The following AXDND1 variants were observed in gnomAD, a reference collection of about 807,000 sequenced individuals.
The protein encoded by AXDND1 is axonemal dynein light chain domain-containing protein 1.
Under a neutral mutation model 137.5 loss-of-function variants are expected in AXDND1, and 110 were observed. The ratio of observed to expected loss-of-function variants is 0.80; its 90% confidence interval spans 0.69 to 0.94. AXDND1 has a LOEUF of 0.94. Among genes scored for constraint, AXDND1 ranks in the 40% least tolerant of loss-of-function variants. AXDND1 has a pLI of 0.00. For missense variants in AXDND1, 1,191 were observed against 1,169.8 expected (o/e 1.02, Z -0.26); for synonymous variants, 414 against 399.7 (o/e 1.04, Z -0.43).
At chr1:179,368,368 A>G (rs557063263) in intron 2 of AXDND1, among the ~76,000 whole-genome samples, 1 of 152,362 alleles carries the variant, frequency 6.6e-6, no homozygotes, top group South Asian at 2.1e-4. Context: ...TAATGCAATT[A>G]TTCTCACCTT....
intron 18 of AXDND1, among the ~76,000 whole-genome samples, chr1:179,483,665 G>T (rs529104161): frequency 3.9e-5 from 6 of 152,260 alleles, no homozygotes; most frequent in African/African-American, 1.2e-4. Flanking sequence ...TACCATTAGG[G>T]ATTTATCTCC....
intron 12 of AXDND1, among the ~76,000 whole-genome samples, chr1:179,416,981 C>T (rs1042520049): frequency 3.3e-5 from 5 of 152,180 alleles, no homozygotes; most frequent in African/African-American, 7.2e-5. Context: ...CTCCTTTCTC[C>T]ACATCTTTGC....
At chr1:179,463,377 C>T (rs2125453663) in intron 16 of AXDND1, among the ~76,000 whole-genome samples, 1 of 152,254 alleles carries the variant, frequency 6.6e-6, no homozygotes, top group Non-Finnish European at 1.5e-5. Flanking sequence ...TCATTATGTA[C>T]CCAGTAGTCA....
At chr1:179,385,205 T>C (rs535982484) in intron 8 of AXDND1, 33 bp from the exon 9 acceptor site, 1 of 1,587,546 alleles carries the variant, frequency 6.3e-7, no homozygotes, top group African/African-American at 1.3e-5. Flanking sequence ...AAGACTGTAA[T>C]AAGTACTGAT....
chr1:179,513,382 G>A (rs1320947907), intron 21 of AXDND1, among the ~76,000 whole-genome samples: 1 of 152,158 alleles, frequency 6.6e-6, no homozygotes, highest in Admixed American at 6.5e-5. Context: ...ACTTGTGTAT[G>A]TTAAACCATC....
At position 179,525,426 on chromosome 1, in the gene AXDND1, A is replaced by G. The variant is rs1330850307; in HGVS notation, c.2589A>G (p.Glu863=). 1 of 1,610,518 alleles carries G rather than the reference A, an allele frequency of 6.2e-7. No individual in the cohort carries two copies. The highest frequency in any genetic ancestry group is 8.5e-7 in the Non-Finnish European group (1 of 1,178,020). ...ESKEDRKLQE[E]NKERAEEQPS... ...AGGAGGATAGGAAACTTCAGGAGGA[A>G]AATAAAGAGAGAGCAGAAGAAGTAA... Residue 863 remains glutamate, a synonymous_variant, in exon 22 of 26, where the codon GAA becomes GAG. Transcript: ENST00000367618.
chr1:179,522,156 T>G (rs1670120615), intron 21 of AXDND1, among the ~76,000 whole-genome samples: 1 of 152,122 alleles, frequency 6.6e-6, no homozygotes, highest in Non-Finnish European at 1.5e-5. Flanking sequence ...CCCCCATGTC[T>G]CTTAACCTTC....
chr1:179,369,083 T>G, intron 3 of AXDND1, 111 bp downstream of exon 3: 1 of 1,115,784 alleles, frequency 9.0e-7, no homozygotes, highest in South Asian at 1.7e-5. Context: ...CTTAAAAATT[T>G]TAAGATTGAT....
At chr1:179,522,473 A>G (rs1034773453) in intron 21 of AXDND1, among the ~76,000 whole-genome samples, 11 of 152,154 alleles carry the variant, frequency 7.2e-5, no homozygotes, top group African/African-American at 2.7e-4. Context: ...ACAGCATAGT[A>G]TAATAGCAAA....
intron 6 of AXDND1, among the ~76,000 whole-genome samples, chr1:179,382,104 CAG>C (rs1269958078): frequency 2.7e-5 from 4 of 150,396 alleles, no homozygotes; most frequent in Non-Finnish European, 4.4e-5. Flanking sequence ...TTTTTTGAGA[CAG>C]AGTCTCGCTC....
chr1:179,521,958 A>C (rs936444591), intron 21 of AXDND1, among the ~76,000 whole-genome samples: 1 of 151,932 alleles, frequency 6.6e-6, no homozygotes, highest in African/African-American at 2.4e-5. Context: ...CTTTGCTCTG[A>C]TTAATGTGGA....
chr1:179,500,013 G>A (rs528098592), intron 20 of AXDND1, among the ~76,000 whole-genome samples: 2 of 152,092 alleles, frequency 1.3e-5, no homozygotes, highest in South Asian at 2.1e-4. Flanking sequence ...AAATAATTCT[G>A]TTCTTATACA....
chr1:179,496,097 T>C (rs1308665900), intron 20 of AXDND1, among the ~76,000 whole-genome samples: 1 of 152,016 alleles, frequency 6.6e-6, no homozygotes, highest in Non-Finnish European at 1.5e-5. Flanking sequence ...GTCCCTCTTA[T>C]ATGTTGCAAA....
chr1:179,400,803 G>A (rs373488480), intron 11 of AXDND1, among the ~76,000 whole-genome samples: 40 of 150,352 alleles, frequency 2.7e-4, no homozygotes, highest in Middle Eastern at 3.4e-3. Flanking sequence ...TACTTGGGAG[G>A]GTGAGGCAGG....
chr1:179,415,795 C>G (rs1654607659), intron 12 of AXDND1, among the ~76,000 whole-genome samples: 1 of 152,082 alleles, frequency 6.6e-6, no homozygotes, highest in African/African-American at 2.4e-5. Context: ...ACCTCCACCT[C>G]CCGGGTTCGT....
At chr1:179,493,775 C>G (rs566295578) in intron 20 of AXDND1, among the ~76,000 whole-genome samples, 1 of 152,262 alleles carries the variant, frequency 6.6e-6, no homozygotes, top group South Asian at 2.1e-4. Context: ...CCCTGTTACC[C>G]TGCTTTGATC....
intron 20 of AXDND1, among the ~76,000 whole-genome samples, chr1:179,500,284 A>G (rs982554577): frequency 9.9e-5 from 15 of 151,612 alleles, no homozygotes; most frequent in Admixed American, 6.6e-4. Context: ...TTGATAAAAA[A>G]TTAATGGCTA....
At chr1:179,393,291 A>T (rs967686497) in intron 9 of AXDND1, among the ~76,000 whole-genome samples, 3 of 151,994 alleles carry the variant, frequency 2.0e-5, no homozygotes, top group African/African-American at 7.2e-5. Context: ...ATCTGAGTTT[A>T]TTTCTGGATT....
At chr1:179,494,096 C>T (rs1458056829) in intron 20 of AXDND1, among the ~76,000 whole-genome samples, 1 of 152,136 alleles carries the variant, frequency 6.6e-6, no homozygotes, top group Non-Finnish European at 1.5e-5. Flanking sequence ...GGACTACAGG[C>T]GTGCACCACT....
Sources: allele counts gnomAD v4.1 joint callset (sites outside exome capture counted in the v4.1 genomes callset), GRCh38; gene constraint gnomAD v4.1.1; transcripts MANE v1.5; gene names NCBI Gene and HGNC (gene_info 2026-07-23, HGNC 2026-07-21).